Variants in WNT10A observed in about 807,000 individuals in gnomAD.
WNT10A encodes the protein protein Wnt-10a.
WNT10A carries 37 observed loss-of-function variants against 36.1 expected under a neutral mutation model. The observed-to-expected ratio is 1.02, with a 90% CI of 0.79 to 1.35. The LOEUF is 1.35. Ranked by LOEUF, WNT10A falls within the 40% of genes most tolerant of loss-of-function variation. The pLI is 0.00. For missense variants in WNT10A, 613 were observed against 601.4 expected (o/e 1.02, Z -0.20); for synonymous variants, 255 against 254.1 (o/e 1.00, Z -0.03).
chr2:218,874,226 A>C, the WNT10A span: 1 of 204,174 alleles, frequency 4.9e-6, no homozygotes, highest in East Asian at 1.1e-4. Context: ...AAGATATTTA[A>C]ACCACCAGGG....
intron 1 of WNT10A, 95 bp from the exon 2 acceptor site, chr2:218,882,066 A>T: frequency 6.7e-7 from 1 of 1,491,172 alleles, no homozygotes; most frequent in Non-Finnish European, 9.1e-7. Context: ...TGGAAGAGGG[A>T]GTGATTATGG....
intron 2 of WNT10A, among the ~76,000 whole-genome samples, chr2:218,887,646 G>C (rs1344241028): frequency 2.6e-5 from 4 of 152,204 alleles, no homozygotes; most frequent in Non-Finnish European, 5.9e-5. Flanking sequence ...ATAGGCATCT[G>C]GTGGCCCAAG....
intron 2 of WNT10A, among the ~76,000 whole-genome samples, chr2:218,887,016 T>C (rs1230044936): frequency 6.6e-6 from 1 of 152,144 alleles, no homozygotes; most frequent in Non-Finnish European, 1.5e-5. Context: ...TAGAAGATGG[T>C]GGTTGGCACT....
Position 218,880,911 on chromosome 2 carries a change from C to A in WNT10A, c.-85C>A, listed in dbSNP as rs947471352. The A allele has an allele frequency of 5.5e-6, 8 of 1,449,182 alleles. No individual in the cohort carries two copies. The highest frequency in any genetic ancestry group is 1.5e-5 in the African/African-American group (1 of 67,898). The allele number at this position is 1,449,182 out of a possible 1,614,324, so 89.8% of individuals were successfully genotyped here. On this transcript the variant is annotated 5_prime_UTR_variant, in exon 1 of 4. Transcript: ENST00000258411. This position sits in a 1 kb window ranked among gnomAD's most constrained non-coding sequence, Gnocchi z 7.7. Reference sequence around the variant, plus strand: ...GTGTGTCGCAGCCGCCCCGACCCCCCGCCGATCATGCGCCGGCGCCCCTGG... The same window carrying A: ...GTGTGTCGCAGCCGCCCCGACCCCCAGCCGATCATGCGCCGGCGCCCCTGG...
chr2:218,879,540 G>A (rs1203859851), upstream of WNT10A, among the ~76,000 whole-genome samples: 1 of 152,254 alleles, frequency 6.6e-6, no homozygotes, highest in African/African-American at 2.4e-5. Flanking sequence ...TATCGAGGAG[G>A]GGCCCAGTGT....
chr2:218,893,041 T>A lies in WNT10A; in HGVS notation c.1024T>A (p.Ser342Thr). The A allele has an allele frequency of 6.3e-7, 1 of 1,595,734 alleles. No individual in the cohort carries two copies. Among genetic ancestry groups the A allele is most frequent in the South Asian group, 1.1e-5 (1 of 90,942 alleles). Residue 342 changes from serine (S) to threonine (T), a missense_variant, in exon 4 of 4, where the codon TCT (serine) becomes ACT (threonine). Ser to Thr is a moderately conservative substitution (Grantham distance 58). Transcript: ENST00000258411. The surrounding 1 kb of genome is among the most constrained non-coding windows in gnomAD (Gnocchi z 6.3). ...CGCCGACCTGGTCTACTTCGAAAAG[T>A]CTCCCGACTTCTGCGAGCGCGAGCC... ...SPADLVYFEK[S>T]PDFCEREPRL...
chr2:218,877,536 C>T (rs1235594604), upstream of WNT10A, among the ~76,000 whole-genome samples: 1 of 152,158 alleles, frequency 6.6e-6, no homozygotes, highest in African/African-American at 2.4e-5. The surrounding 1 kb of genome is among the most constrained non-coding windows in gnomAD (Gnocchi z 4.1). Context: ...CAGTCTGAGC[C>T]ATCAAAGTCC....
At chr2:218,876,476 G>A (rs893871004), upstream of WNT10A, among the ~76,000 whole-genome samples, 2 of 152,146 alleles carry the variant, frequency 1.3e-5, no homozygotes, top group African/African-American at 4.8e-5. Flanking sequence ...GGGGAGGGGT[G>A]TCAGGCTGCA....
rs771071398 is a variant in WNT10A at position 218,893,150 on chromosome 2, G to A, written c.1133G>A (p.Gly378Asp). The A allele has an allele frequency of 1.3e-6, 2 of 1,590,302 alleles. No homozygotes were observed. The highest frequency in any genetic ancestry group is 2.2e-5 in the South Asian group (2 of 90,330). Residue 378 changes from glycine to aspartate, a missense_variant, in exon 4 of 4, where the codon GGC (glycine) becomes GAC (aspartate). By Grantham distance (94) the Gly-to-Asp change is moderately conservative. Coordinates refer to ENST00000258411, the MANE Select transcript of WNT10A (RefSeq NM_025216.3). This position sits in a 1 kb window ranked among gnomAD's most constrained non-coding sequence, Gnocchi z 6.3. ...GSDGCGSMCC[G>D]RGHNILRQTR... ...GATGGCTGCGGCAGCATGTGCTGCG[G>A]CCGCGGCCACAACATCCTGCGCCAG...
chr2:218,880,686 G>A, upstream of WNT10A: 2 of 312,234 alleles, frequency 6.4e-6, no homozygotes, highest in South Asian at 1.1e-4. The surrounding 1 kb of genome is among the most constrained non-coding windows in gnomAD (Gnocchi z 7.7). Context: ...TGCACCTCCG[G>A]GCCCCCCTTA....
At chr2:218,892,725 G>A in intron 3 of WNT10A, 49 bp from the exon 4 acceptor site, 2 of 1,552,026 alleles carry the variant, frequency 1.3e-6, no homozygotes, top group Non-Finnish European at 1.7e-6. Flanking sequence ...CGCTGGGAGG[G>A]GAGTGGGGCT....
chr2:218,887,085 T>C (rs756956955), intron 2 of WNT10A, among the ~76,000 whole-genome samples: 7 of 152,180 alleles, frequency 4.6e-5, no homozygotes. Flanking sequence ...GACAAGTCGA[T>C]AGGAACTAGA....
intron 1 of WNT10A, 79 bp from the exon 2 acceptor site, chr2:218,882,082 G>T: frequency 6.5e-7 from 1 of 1,546,196 alleles, no homozygotes; most frequent in South Asian, 1.2e-5. Context: ...TATGGCCGTT[G>T]GGACAGAGTG....
chr2:218,885,359 C>T (rs1002443590), intron 2 of WNT10A, among the ~76,000 whole-genome samples: 3 of 152,188 alleles, frequency 2.0e-5, no homozygotes, highest in African/African-American at 7.2e-5. Flanking sequence ...GGGCTGGGTA[C>T]TGGGCAGAAC....
intron 2 of WNT10A, among the ~76,000 whole-genome samples, chr2:218,888,135 G>T (rs1944599073): frequency 6.6e-6 from 1 of 152,242 alleles, no homozygotes; most frequent in Non-Finnish European, 1.5e-5. Flanking sequence ...CTGTGATGCA[G>T]TGGGTGAGGA....
chr2:218,882,557 T>C, intron 2 of WNT10A, 134 bp downstream of exon 2: 1 of 1,201,418 alleles, frequency 8.3e-7, no homozygotes, highest in South Asian at 1.4e-5. Context: ...TTGGCCCTGC[T>C]GCTCTCCTTC....
chr2:218,881,154 C>A, intron 1 of WNT10A, 46 bp downstream of exon 1: 2 of 1,556,772 alleles, frequency 1.3e-6, no homozygotes, highest in Non-Finnish European at 8.7e-7. Context: ...GTTGGGACCC[C>A]GGCCTGCAGG....
upstream of WNT10A, among the ~76,000 whole-genome samples, chr2:218,876,949 T>C (rs1944458091): frequency 6.6e-6 from 1 of 152,064 alleles, no homozygotes; most frequent in African/African-American, 2.4e-5. Context: ...GCTTCTAGGG[T>C]TCCAGACTGT....
chr2:218,887,324 G>A lies in WNT10A; in HGVS notation c.377-2660G>A, dbSNP rs147026427. Among the ~76,000 whole-genome samples the A allele has an allele frequency of 3.5e-3, 532 of 152,228 alleles. 3 individuals carry two copies. The highest frequency in any genetic ancestry group is 4.2e-3 in the Non-Finnish European group (288 of 68,014). On this transcript the variant is annotated intron_variant, in intron 2 of 3. Coordinates refer to ENST00000258411, the MANE Select transcript of WNT10A (RefSeq NM_025216.3). The stretch of plus-strand genomic sequence containing the variant: ...ACCTGGGCTGCCTCTGGAGGTCTGA[G>A]TATTGCCATTGTGTCCTAGGAGCAG...
Sources: gnomAD v4.1 joint callset for allele counts (sites outside exome capture counted in the v4.1 genomes callset) on GRCh38, gnomAD v4.1.1 for gene constraint, Gnocchi (gnomAD v3.1) non-coding constraint, MANE v1.5 for transcripts, NCBI Gene and HGNC (gene_info 2026-07-23, HGNC 2026-07-21) for gene names.